IGSF11: variants seen among roughly 807,000 people sequenced by gnomAD.
IGSF11 encodes immunoglobulin superfamily member 11, also known as CXADR like 1.
IGSF11 carries 22 observed loss-of-function variants against 41.0 expected under a neutral mutation model. The ratio of observed to expected loss-of-function variants is 0.54; its 90% CI spans 0.38 to 0.77. IGSF11 has a LOEUF of 0.77. Among genes scored for constraint, IGSF11 ranks in the 30% least tolerant of loss-of-function variants. The pLI is 0.00. For missense variants in IGSF11, 444 were observed against 530.8 expected (o/e 0.84, Z 1.61); for synonymous variants, 219 against 201.3 (o/e 1.09, Z -0.74).
At chr3:119,007,387 C>A (rs1218898802) in intron 1 of IGSF11, among the ~76,000 whole-genome samples, 1 of 146,326 alleles carries the variant, frequency 6.8e-6, no homozygotes, top group Non-Finnish European at 1.5e-5. Context: ...GAGATGAACC[C>A]GGTACCTCAG....
At chr3:118,907,982 A>C (rs1939816214) in intron 4 of IGSF11, among the ~76,000 whole-genome samples, 1 of 152,180 alleles carries the variant, frequency 6.6e-6, no homozygotes, top group Non-Finnish European at 1.5e-5. Context: ...TCATCAACGC[A>C]AGAAAACCAT....
rs549920065 is a variant in IGSF11, at chr3:119,085,066, A to T, written c.49+20078T>A. Among the ~76,000 whole-genome samples the T allele has an allele frequency of 5.3e-5, 8 of 152,230 alleles. No individual in the cohort carries two copies. The South Asian group carries it at 1.7e-3, about 32-fold the overall frequency. ...TGGAGGGAGCCTCAACGCCCAAAAG[A>T]CCTAATAACAACAATAAAATTGTGG... On this transcript the variant is annotated intron_variant, in intron 1 of 6. Coordinates refer to the IGSF11 transcript ENST00000354673.
At chr3:119,075,073 T>C (rs1278353499) in intron 1 of IGSF11, among the ~76,000 whole-genome samples, 1 of 151,918 alleles carries the variant, frequency 6.6e-6, no homozygotes, top group East Asian at 1.9e-4. Flanking sequence ...ATAAGTAAGA[T>C]AGATATACCA....
intron 1 of IGSF11, among the ~76,000 whole-genome samples, chr3:119,011,626 T>C (rs1429503048): frequency 2.0e-5 from 3 of 152,094 alleles, no homozygotes; most frequent in African/African-American, 7.2e-5. Flanking sequence ...CAAAATTTTA[T>C]AGAAATACTA....
At chr3:119,081,512 A>G (rs2076585995) in intron 1 of IGSF11, among the ~76,000 whole-genome samples, 1 of 152,210 alleles carries the variant, frequency 6.6e-6, no homozygotes, top group Non-Finnish European at 1.5e-5. Flanking sequence ...TGGACTAAAT[A>G]TATATAAAGA....
intron 1 of IGSF11, among the ~76,000 whole-genome samples, chr3:119,020,069 T>C (rs963817118): frequency 3.9e-5 from 6 of 152,176 alleles, no homozygotes; most frequent in African/African-American, 1.4e-4. Context: ...AAGCTCTTGC[T>C]AGACACTAAA....
intron 4 of IGSF11, among the ~76,000 whole-genome samples, chr3:118,912,789 T>C (rs774509285): frequency 1.3e-5 from 2 of 152,104 alleles, no homozygotes; most frequent in Non-Finnish European, 2.9e-5. Flanking sequence ...ATTAAACATA[T>C]ACAGAATAGT....
At chr3:119,050,177 C>G (rs1296907834) in intron 1 of IGSF11, among the ~76,000 whole-genome samples, 1 of 151,568 alleles carries the variant, frequency 6.6e-6, no homozygotes, top group Non-Finnish European at 1.5e-5. Flanking sequence ...AGAGCTTCTG[C>G]ACAGCAAAAG....
intron 1 of IGSF11, among the ~76,000 whole-genome samples, chr3:119,040,482 G>A (rs528204514): frequency 6.6e-6 from 1 of 152,302 alleles, no homozygotes; most frequent in South Asian, 2.1e-4. Context: ...AATTGGCTCT[G>A]TTGAGGCAGC....
upstream of IGSF11, among the ~76,000 whole-genome samples, chr3:119,109,787 G>T (rs2077112199): frequency 6.6e-6 from 1 of 152,048 alleles, no homozygotes. Context: ...CTGGTATGTT[G>T]TGTCTTTGTT....
intron 4 of IGSF11, among the ~76,000 whole-genome samples, chr3:118,920,271 AT>A (rs1559897365): frequency 6.6e-6 from 1 of 151,760 alleles, no homozygotes; most frequent in Non-Finnish European, 1.5e-5. Context: ...AAAAAAAACA[AT>A]AATGTGTCAG....
chr3:119,018,940 T>A lies in IGSF11; in HGVS notation c.52+15591A>T, dbSNP rs543985805. ...GTGCCCAGAAACTATTCAACTCCAG[T>A]GTTCCAAGCTGTTTAACCACATTCA... On this transcript the variant is annotated intron_variant, in intron 1 of 6. Transcript: ENST00000393775. 1.4e-4 allele frequency among the ~76,000 whole-genome samples: 21 copies of A among 152,352 alleles called. 1 individual carries two copies. The East Asian group carries it at 2.3e-3, about 17-fold the overall frequency.
chr3:119,098,447 A>T (rs1298737310), intron 1 of IGSF11, among the ~76,000 whole-genome samples: 1 of 152,078 alleles, frequency 6.6e-6, no homozygotes, highest in Non-Finnish European at 1.5e-5. Flanking sequence ...TACTAAAACA[A>T]TTTTTTTCAT....
intron 1 of IGSF11, among the ~76,000 whole-genome samples, chr3:119,110,579 A>T (rs2077135475): frequency 6.6e-6 from 1 of 152,142 alleles, no homozygotes; most frequent in African/African-American, 2.4e-5. Flanking sequence ...TGGAGCATTT[A>T]GTCCATTTAC....
At chr3:119,037,340 TG>T (rs2107745131), upstream of IGSF11, among the ~76,000 whole-genome samples, 1 of 152,302 alleles carries the variant, frequency 6.6e-6, no homozygotes, top group South Asian at 2.1e-4. Flanking sequence ...GGGTAAGGCA[TG>T]TATGATGACC....
At chr3:119,122,558 T>C (rs905327999) in intron 1 of IGSF11, among the ~76,000 whole-genome samples, 1 of 152,180 alleles carries the variant, frequency 6.6e-6, no homozygotes, top group Non-Finnish European at 1.5e-5. Flanking sequence ...GACCTTACTA[T>C]CAGCCAGGGC....
chr3:118,936,506 CAA>C (rs1218247191), intron 1 of IGSF11, among the ~76,000 whole-genome samples: 11,633 of 96,792 alleles, frequency 0.12, 604 homozygotes, highest in Admixed American at 0.23. Context: ...GATTTCATCT[CAA>C]AAAAAAAAAA....
chr3:118,933,792 C>A (rs982880173), intron 1 of IGSF11, among the ~76,000 whole-genome samples: 1 of 152,064 alleles, frequency 6.6e-6, no homozygotes, highest in African/African-American at 2.4e-5. Context: ...TGGACTTTTA[C>A]GTAAAGGAGT....
chr3:119,008,300 G>T (rs1013854138), intron 1 of IGSF11, among the ~76,000 whole-genome samples: 5 of 152,160 alleles, frequency 3.3e-5, no homozygotes, highest in Non-Finnish European at 5.9e-5. Context: ...CATTCCAATT[G>T]TCTTTGGAAT....
Sources: allele counts gnomAD v4.1 joint callset (sites outside exome capture counted in the v4.1 genomes callset), GRCh38; gene constraint gnomAD v4.1.1; transcripts MANE v1.5; gene names NCBI Gene and HGNC (gene_info 2026-07-23, HGNC 2026-07-21).